Variants in ARHGEF3 observed in about 807,000 individuals in gnomAD.
The protein encoded by ARHGEF3 is Rho guanine nucleotide exchange factor 3.
A neutral mutation model predicts 63.2 loss-of-function variants in ARHGEF3; 28 were observed. The observed-to-expected ratio is 0.44, with a 90% CI of 0.33 to 0.61. The LOEUF (loss-of-function observed/expected upper bound fraction) is 0.61, where lower values mean the gene tolerates loss of function less well. Among genes scored for constraint, ARHGEF3 ranks in the 20% least tolerant of loss-of-function variants. The pLI is 0.03. For synonymous variants in ARHGEF3, 266 were observed against 254.2 expected (o/e 1.05, Z -0.44); for missense variants, 533 against 659.3 (o/e 0.81, Z 2.10).
chr3:56,831,612 G>A (rs1408484528), intron 4 of ARHGEF3, among the ~76,000 whole-genome samples: 1 of 151,928 alleles, frequency 6.6e-6, no homozygotes, highest in African/African-American at 2.4e-5. Flanking sequence ...GCCATTCTTG[G>A]CTACAGTTTG....
At chr3:56,877,043 C>T (rs1425670130) in intron 4 of ARHGEF3, among the ~76,000 whole-genome samples, 2 of 152,256 alleles carry the variant, frequency 1.3e-5, no homozygotes, top group Non-Finnish European at 2.9e-5. Flanking sequence ...ATTTCCACTT[C>T]ACTGCCAGAA....
At chr3:56,750,548 G>A (rs900753962) in intron 6 of ARHGEF3, among the ~76,000 whole-genome samples, 4 of 151,790 alleles carry the variant, frequency 2.6e-5, no homozygotes, top group African/African-American at 9.7e-5. Flanking sequence ...TTTTGACCAT[G>A]AGATTTTTTT....
chr3:57,017,216 G>A (rs570549380), intron 2 of ARHGEF3, among the ~76,000 whole-genome samples: 2 of 152,258 alleles, frequency 1.3e-5, no homozygotes, highest in African/African-American at 4.8e-5. Flanking sequence ...CATTCTATGC[G>A]TGGAGTTGGC....
chr3:56,965,216 C>G (rs1700439793), intron 2 of ARHGEF3, among the ~76,000 whole-genome samples: 1 of 152,162 alleles, frequency 6.6e-6, no homozygotes, highest in African/African-American at 2.4e-5. Flanking sequence ...GATAATGTCA[C>G]TGCACTCTAG....
Position 56,729,589 on chromosome 3 carries a change from C to A in ARHGEF3, c.1262G>T (p.Gly421Val), listed in dbSNP as rs776114580. 6 of 1,604,590 alleles carry A rather than the reference C, an allele frequency of 3.7e-6. No individual in the cohort carries two copies. The East Asian group carries it at 1.3e-4, about 36-fold the overall frequency. ...TAGCGAGTGGGTCTGACTTTGGGATCCATTTTTGAAACTGACTCTGAAGAA... is the reference window on the plus strand; with the variant it reads ...TAGCGAGTGGGTCTGACTTTGGGATACATTTTTGAAACTGACTCTGAAGAA... ...KNFFRVSFKN[G>V]SQSQTHSLQA... Residue 421 changes from glycine to valine, a missense_variant, in exon 10 of 10, where the codon GGA becomes GTA. By Grantham distance (109) the Gly-to-Val change is moderately radical (BLOSUM62 -3). Coordinates refer to ENST00000296315, the MANE Select transcript of ARHGEF3 (RefSeq NM_019555.3).
At chr3:57,028,553 G>C (rs1391852304) in intron 2 of ARHGEF3, among the ~76,000 whole-genome samples, 1 of 98,162 alleles carries the variant, frequency 1.0e-5, no homozygotes, top group African/African-American at 4.0e-5. Flanking sequence ...GGGGTGGGGG[G>C]AGGGGGGAGG....
intron 3 of ARHGEF3, among the ~76,000 whole-genome samples, chr3:56,915,093 A>C (rs28391867): frequency 2.7e-4 from 41 of 152,346 alleles, no homozygotes; most frequent in African/African-American, 8.9e-4. Context: ...AGGGTTACAG[A>C]AATCAGTCCC....
At chr3:56,802,083 T>TGCGAGGG (rs2037688794), upstream of ARHGEF3, 1 of 1,131,332 alleles carries the variant, frequency 8.8e-7, no homozygotes, top group Non-Finnish European at 1.1e-6. Flanking sequence ...CTCCTGGGGC[T>TGCGAGGG]GCGAGGGGCG....
chr3:57,019,562 T>G (rs1257399322), intron 2 of ARHGEF3, among the ~76,000 whole-genome samples: 2 of 152,196 alleles, frequency 1.3e-5, no homozygotes, highest in East Asian at 1.9e-4. Context: ...AGTTGGCATG[T>G]GTGTCAGATA....
intron 1 of ARHGEF3, among the ~76,000 whole-genome samples, chr3:56,800,871 T>C (rs1578551688): frequency 6.6e-6 from 1 of 152,204 alleles, no homozygotes; most frequent in East Asian, 1.9e-4. Flanking sequence ...CTGTATTCCC[T>C]AAGACCCTCA....
In ARHGEF3 at chr3:56,828,448, C is replaced by T. The variant is rs528952934; in HGVS notation, c.192+53844G>A. On this transcript the variant is annotated intron_variant, in intron 4 of 12. Coordinates refer to the ARHGEF3 transcript ENST00000338458. ...ACTCAGGAGGCTGAGACAGGTGAAT[C>T]GTTTGAACCTGGGAGGCAGAGTTTG... 5.3e-5 allele frequency among the ~76,000 whole-genome samples: 8 copies of T among 152,222 alleles called. No individual in the cohort carries two copies. In the East Asian group the frequency reaches 1.4e-3, roughly 26 times the overall value.
chr3:56,877,490 G>A (rs978062786), intron 4 of ARHGEF3, among the ~76,000 whole-genome samples: 13 of 150,478 alleles, frequency 8.6e-5, no homozygotes, highest in Non-Finnish European at 7.4e-5. Flanking sequence ...TCCCACTTCA[G>A]CTTCCCAAGT....
intron 1 of ARHGEF3, among the ~76,000 whole-genome samples, chr3:56,798,892 A>G (rs1246836639): frequency 6.6e-6 from 1 of 152,254 alleles, no homozygotes; most frequent in African/African-American, 2.4e-5. Context: ...GATTATGGAT[A>G]TTAAAATTAA....
At chr3:57,055,053 T>A (rs888266984) in intron 1 of ARHGEF3, among the ~76,000 whole-genome samples, 1 of 152,200 alleles carries the variant, frequency 6.6e-6, no homozygotes, top group South Asian at 2.1e-4. Flanking sequence ...ATATGTATTT[T>A]AAATATCTTT....
At chr3:56,897,498 A>G (rs932548487) in intron 3 of ARHGEF3, among the ~76,000 whole-genome samples, 7 of 151,936 alleles carry the variant, frequency 4.6e-5, no homozygotes, top group African/African-American at 1.7e-4. Flanking sequence ...GGGAAAAAAC[A>G]TGCATGTATA....
At chr3:56,868,746 G>A (rs113325946) in intron 4 of ARHGEF3, among the ~76,000 whole-genome samples, 6,339 of 152,232 alleles carry the variant, frequency 0.042, 153 homozygotes, top group South Asian at 0.13. Context: ...CCAAGAGTCA[G>A]AATTGATCCT....
At chr3:56,914,944 T>C (rs1473554361) in intron 3 of ARHGEF3, among the ~76,000 whole-genome samples, 1 of 152,114 alleles carries the variant, frequency 6.6e-6, no homozygotes, top group African/African-American at 2.4e-5. Context: ...CACAACATTA[T>C]GAATGTATTT....
At chr3:56,989,847 T>C (rs1701682352) in intron 2 of ARHGEF3, among the ~76,000 whole-genome samples, 1 of 152,196 alleles carries the variant, frequency 6.6e-6, no homozygotes, top group African/African-American at 2.4e-5. Flanking sequence ...ACTTCACAGC[T>C]GCAAGATGTC....
intron 2 of ARHGEF3, among the ~76,000 whole-genome samples, chr3:56,984,925 C>T (rs1701474634): frequency 6.6e-6 from 1 of 152,150 alleles, no homozygotes; most frequent in Non-Finnish European, 1.5e-5. Context: ...CTGCTATCAG[C>T]AAAAGCAACA....
Sources: allele counts gnomAD v4.1 joint callset (sites outside exome capture counted in the v4.1 genomes callset), GRCh38; gene constraint gnomAD v4.1.1; transcripts MANE v1.5; gene names NCBI Gene and HGNC (gene_info 2026-07-23, HGNC 2026-07-21).